TIPARP: variants seen among roughly 807,000 people sequenced by gnomAD.
The protein encoded by TIPARP is TCDD inducible poly(ADP-ribose) polymerase, also known as protein mono-ADP-ribosyltransferase TIPARP.
Under a neutral mutation model 56.5 loss-of-function variants are expected in TIPARP, and 12 were observed. The observed-to-expected ratio is 0.21, with a 90% CI of 0.14 to 0.34. The LOEUF (loss-of-function observed/expected upper bound fraction) is 0.34. TIPARP is among the 10% of genes least tolerant of loss of function. TIPARP has a pLI of 1.00. For synonymous variants in TIPARP, 296 were observed against 265.7 expected (o/e 1.11, Z -1.11); for missense variants, 604 against 781.6 (o/e 0.77, Z 2.71).
chr3:156,688,367 T>A, intron 2 of TIPARP, among the ~76,000 whole-genome samples: 1 of 52,102 alleles, frequency 1.9e-5, no homozygotes, highest in African/African-American at 8.5e-5. Context: ...CAGAAGACCC[T>A]ATCTCAAAAA....
At position 156,677,969 on chromosome 3, in the gene TIPARP, A is replaced by T; in HGVS notation, c.272A>T (p.Lys91Met). The T allele has an allele frequency of 6.2e-7, 1 of 1,614,172 alleles. No individual in the cohort carries two copies. The highest frequency in any genetic ancestry group is 8.5e-7 in the Non-Finnish European group (1 of 1,180,034). Residue 91 changes from lysine (K) to methionine (M), a missense_variant, in exon 2 of 6, where the codon AAG (lysine) becomes ATG (methionine). Lys to Met is a moderately conservative substitution (Grantham distance 95). Coordinates refer to ENST00000295924, the MANE Select transcript of TIPARP (RefSeq NM_015508.5). ...AACAGCTTACATGAACCTATGATGA[A>T]GAAAGCCATGGAAATCAATTCATCA... is the stretch of plus-strand genomic sequence containing the variant. ...DENSLHEPMM[K>M]KAMEINSSCP...
chr3:156,696,550 C>A (rs1029407168), intron 4 of TIPARP, among the ~76,000 whole-genome samples: 1 of 152,184 alleles, frequency 6.6e-6, no homozygotes, highest in African/African-American at 2.4e-5. Context: ...AATTACTTGT[C>A]ATACTTACTA....
intron 1 of TIPARP, chr3:156,675,293 C>T (rs1250676490): frequency 1.3e-5 from 2 of 152,406 alleles, no homozygotes; most frequent in Non-Finnish European, 2.9e-5. Context: ...AAGTCTTCGT[C>T]TTCCTCCCCG....
chr3:156,704,936 G>A lies in TIPARP; in HGVS notation c.1779G>A (p.Thr593=), dbSNP rs573090797. 8.7e-6 allele frequency: 14 copies of A among 1,614,200 alleles called. No homozygotes were observed. In the African/African-American group the frequency reaches 1.3e-4, roughly 15 times the overall value. Residue 593 remains threonine (T), a synonymous_variant, in exon 6 of 6, where the codon ACG becomes ACA. Transcript: ENST00000295924. The part of the protein sequence containing the change: ...VHFMFLAKVL[T]GRYTMGSHGM... ...TCATGTTTCTGGCCAAAGTGCTGAC[G>A]GGCAGATACACAATGGGCAGTCATG...
At chr3:156,683,441 G>A (rs936384869) in intron 2 of TIPARP, among the ~76,000 whole-genome samples, 1 of 152,084 alleles carries the variant, frequency 6.6e-6, no homozygotes, top group African/African-American at 2.4e-5. Flanking sequence ...GTGAGCATTT[G>A]GGTATCATCT....
At chr3:156,678,711 A>G (rs1395048557) in intron 2 of TIPARP, 97 bp downstream of exon 2, 2 of 1,104,120 alleles carry the variant, frequency 1.8e-6, no homozygotes, top group Non-Finnish European at 2.5e-6. Flanking sequence ...CAGTAGTAAC[A>G]GGTTTTCTTT....
intron 4 of TIPARP, among the ~76,000 whole-genome samples, chr3:156,698,748 C>G (rs1209554050): frequency 6.6e-6 from 1 of 152,186 alleles, no homozygotes; most frequent in Non-Finnish European, 1.5e-5. Flanking sequence ...GTCATTCTGA[C>G]TTTCAAGACC....
rs1350107376 is a variant in TIPARP at position 156,703,844 on chromosome 3, T to C, written c.1526+142T>C. On this transcript the variant is annotated intron_variant, in intron 5 of 5. Transcript: ENST00000295924. ...CTAGCTAACACGGTGAAACCCCGTCTCTACTAAAAATAGAAAAAATTAGCT... is the reference window on the plus strand; with the variant it reads ...CTAGCTAACACGGTGAAACCCCGTCCCTACTAAAAATAGAAAAAATTAGCT... 8 of 871,264 alleles carry C rather than the reference T, an allele frequency of 9.2e-6. No individual in the cohort carries two copies. In the Admixed American group the frequency reaches 9.6e-5, roughly 10 times the overall value. The allele number at this position is 871,264 out of a possible 1,614,324, so 54.0% of individuals were successfully genotyped here.
chr3:156,677,149 T>C (rs1577032459), intron 1 of TIPARP, among the ~76,000 whole-genome samples: 3 of 152,256 alleles, frequency 2.0e-5, no homozygotes, highest in East Asian at 3.8e-4. Flanking sequence ...TATGTTCTTA[T>C]ACCCTTAAAT....
At chr3:156,698,501 C>T (rs1167076688) in intron 4 of TIPARP, among the ~76,000 whole-genome samples, 3 of 152,210 alleles carry the variant, frequency 2.0e-5, no homozygotes, top group South Asian at 4.1e-4. Flanking sequence ...GCTAAATCTA[C>T]TCTGCCTGTG....
In TIPARP at chr3:156,703,627, C is replaced by T; in HGVS notation, c.1451C>T (p.Thr484Ile). Residue 484 changes from threonine to isoleucine, a missense_variant, in exon 5 of 6, where the codon ACT (threonine) becomes ATT (isoleucine). Thr to Ile is a moderately conservative substitution (Grantham distance 89, BLOSUM62 -1). Transcript: ENST00000295924. ...ATCATTTACAATCTTTTTCATAAGA[C>T]TGTGCCTGAGTTTAAATACAGAATT... Reference protein sequence around the residue: ...YRIIYNLFHKTVPEFKYRILQ... With the variant: ...YRIIYNLFHKIVPEFKYRILQ... 6.2e-7 allele frequency: 1 copy of T among 1,614,124 alleles called. No individual in the cohort carries two copies. Among genetic ancestry groups the T allele is most frequent in the Non-Finnish European group, 8.5e-7 (1 of 1,179,988 alleles).
In TIPARP at chr3:156,674,597, G is replaced by C. The variant is rs78979395; in HGVS notation, c.-241G>C. 6.2e-3 allele frequency: 941 copies of C among 152,682 alleles called. 43 individuals carry two copies. In the East Asian group the frequency reaches 0.12, roughly 20 times the overall value. 9.5% of individuals were successfully genotyped at this position (152,682 alleles called of 1,614,324 possible). A position where few individuals can be genotyped will look rare whatever the true frequency, so the allele number is the denominator to read the frequency against. On this transcript the variant is annotated 5_prime_UTR_variant, in exon 1 of 6. Transcript: ENST00000295924. Reference sequence around the variant, plus strand: ...CCGGAAGCCACTTAAAGCAGAGATCGAGGTGACAGGCGAGCTGGCTGGACT... The same window carrying C: ...CCGGAAGCCACTTAAAGCAGAGATCCAGGTGACAGGCGAGCTGGCTGGACT...
rs558349357 is a variant in TIPARP at position 156,701,696 on chromosome 3, A to G, written c.1248-1728A>G. Among the ~76,000 whole-genome samples the G allele has an allele frequency of 3.3e-5, 5 of 152,344 alleles. 1 individual carries two copies. In the South Asian group the frequency reaches 1.0e-3, roughly 32 times the overall value. ...ATGTACCATTGTACCAGAAAAATGT[A>G]TCAGTACTGAGGATCCAAAGGAATC... On this transcript the variant is annotated intron_variant, in intron 4 of 5. Coordinates refer to ENST00000295924, the MANE Select transcript of TIPARP (RefSeq NM_015508.5).
chr3:156,686,219 T>G (rs1722424805), intron 2 of TIPARP, among the ~76,000 whole-genome samples: 1 of 152,214 alleles, frequency 6.6e-6, no homozygotes, highest in Admixed American at 6.5e-5. Flanking sequence ...AAGCATTATG[T>G]AAAGTGTTCT....
Position 156,682,228 on chromosome 3 carries a change from A to G in TIPARP, c.917+3614A>G, listed in dbSNP as rs372225733. Among the ~76,000 whole-genome samples the G allele has an allele frequency of 2.6e-5, 4 of 152,216 alleles. No homozygotes were observed. In the South Asian group the frequency reaches 8.3e-4, roughly 32 times the overall value. On this transcript the variant is annotated intron_variant, in intron 2 of 5. Transcript: ENST00000295924. The stretch of plus-strand genomic sequence containing the variant: ...CTACCTGCAGGTGCACATGTGACCA[A>G]TGATTATTTCTAATTCTGAATTTAT...
chr3:156,680,159 C>G (rs1299184273), intron 2 of TIPARP, among the ~76,000 whole-genome samples: 1 of 151,806 alleles, frequency 6.6e-6, no homozygotes, highest in African/African-American at 2.4e-5. Context: ...CATAGAAGAC[C>G]CTATGAGATA....
intron 2 of TIPARP, among the ~76,000 whole-genome samples, chr3:156,690,751 A>G (rs532755180): frequency 6.6e-6 from 1 of 152,288 alleles, no homozygotes; most frequent in Admixed American, 6.5e-5. Flanking sequence ...TATAAATCCT[A>G]CTGTACAGTG....
intron 3 of TIPARP, among the ~76,000 whole-genome samples, chr3:156,695,595 A>G (rs1450827321): frequency 6.6e-6 from 1 of 152,052 alleles, no homozygotes; most frequent in African/African-American, 2.4e-5. Context: ...CTATGATATT[A>G]TTAAGGCTCA....
At chr3:156,684,845 A>G (rs1722393370) in intron 2 of TIPARP, among the ~76,000 whole-genome samples, 1 of 152,184 alleles carries the variant, frequency 6.6e-6, no homozygotes, top group African/African-American at 2.4e-5. Context: ...ACTCACCCCA[A>G]TTTAAAATTT....
Sources: allele counts gnomAD v4.1 joint callset (sites outside exome capture counted in the v4.1 genomes callset), GRCh38; gene constraint gnomAD v4.1.1; transcripts MANE v1.5; gene names NCBI Gene and HGNC (gene_info 2026-07-23, HGNC 2026-07-21).